The following ZCWPW2 variants were observed in gnomAD, a reference collection of about 807,000 sequenced individuals.
The protein encoded by ZCWPW2 is zinc finger CW-type and PWWP domain containing 2, also known as zinc finger CW-type PWWP domain protein 2.
ZCWPW2 carries 45 observed loss-of-function variants against 46.6 expected under a neutral mutation model. The observed-to-expected ratio is 0.96, with a 90% CI of 0.76 to 1.24. The LOEUF (loss-of-function observed/expected upper bound fraction) is 1.24. ZCWPW2 is among the 50% of genes most tolerant of loss of function. The pLI, the probability that ZCWPW2 is intolerant of heterozygous loss-of-function variation, is 0.00. For synonymous variants in ZCWPW2, 152 were observed against 137.1 expected (o/e 1.11, Z -0.76); for missense variants, 429 against 403.9 (o/e 1.06, Z -0.53).
intron 1 of ZCWPW2, among the ~76,000 whole-genome samples, chr3:28,373,592 C>T (rs866050623): frequency 6.6e-6 from 1 of 152,076 alleles, no homozygotes; most frequent in Admixed American, 6.5e-5. Flanking sequence ...TCTCCTGCCT[C>T]AGCCTCCCAA....
intron 3 of ZCWPW2, among the ~76,000 whole-genome samples, chr3:28,413,912 T>A (rs1696517968): frequency 6.6e-6 from 1 of 152,108 alleles, no homozygotes; most frequent in Non-Finnish European, 1.5e-5. Flanking sequence ...AAAGCATGTA[T>A]TCTATAATTG....
intron 2 of ZCWPW2, among the ~76,000 whole-genome samples, chr3:28,412,018 AT>A (rs1449016787): frequency 6.6e-6 from 1 of 152,042 alleles, no homozygotes; most frequent in African/African-American, 2.4e-5. Flanking sequence ...TTCTAAAGCA[AT>A]TTGCAGTGGC....
intron 9 of ZCWPW2, among the ~76,000 whole-genome samples, chr3:28,524,127 C>T (rs558553686): frequency 1.3e-5 from 2 of 152,024 alleles, no homozygotes; most frequent in Non-Finnish European, 2.9e-5. Flanking sequence ...AGCAAATTAT[C>T]ACTATTTTTA....
At chr3:28,456,968 G>A (rs1698448835) in intron 4 of ZCWPW2, among the ~76,000 whole-genome samples, 1 of 152,106 alleles carries the variant, frequency 6.6e-6, no homozygotes, top group African/African-American at 2.4e-5. Flanking sequence ...TTTGGTATCA[G>A]GATGATACTG....
At chr3:28,521,749 A>G (rs943208519) in intron 9 of ZCWPW2, among the ~76,000 whole-genome samples, 1 of 152,172 alleles carries the variant, frequency 6.6e-6, no homozygotes, top group Non-Finnish European at 1.5e-5. Flanking sequence ...TAGGTATGAG[A>G]AAAAGAAGTC....
At chr3:28,420,095 G>T (rs1696706178) in intron 3 of ZCWPW2, among the ~76,000 whole-genome samples, 1 of 151,492 alleles carries the variant, frequency 6.6e-6, no homozygotes, top group Non-Finnish European at 1.5e-5. Context: ...AACAGCTCCT[G>T]GAATCATTGA....
At chr3:28,364,296 G>A (rs1345241694) in intron 1 of ZCWPW2, among the ~76,000 whole-genome samples, 4 of 151,844 alleles carry the variant, frequency 2.6e-5, no homozygotes, top group Admixed American at 2.6e-4. Flanking sequence ...TGCACCAAAA[G>A]ACATAGACAT....
Position 28,365,876 on chromosome 3 carries a change from T to A in ZCWPW2, c.-134+16673T>A, listed in dbSNP as rs1218485392. On this transcript the variant is annotated intron_variant, in intron 1 of 9. Coordinates refer to ENST00000383768, the MANE Select transcript of ZCWPW2 (RefSeq NM_001040432.4). Reference sequence around the variant, plus strand: ...GAGGTCCTTCATCTCCCGTGTAAGTTGGATTCCTAGGTATTTTATTCTCTT... The same window carrying A: ...GAGGTCCTTCATCTCCCGTGTAAGTAGGATTCCTAGGTATTTTATTCTCTT... 1.4e-5 allele frequency among the ~76,000 whole-genome samples: 2 copies of A among 141,296 alleles called. 1 individual carries two copies. Among genetic ancestry groups the A allele is most frequent in the Non-Finnish European group, 3.2e-5 (2 of 63,086 alleles). 92.7% of individuals were successfully genotyped at this position (141,296 alleles called of 152,430 possible).
chr3:28,362,306 A>G (rs1179537838), intron 1 of ZCWPW2, among the ~76,000 whole-genome samples: 1 of 142,518 alleles, frequency 7.0e-6, no homozygotes, highest in East Asian at 2.0e-4. Flanking sequence ...TTCATATTAT[A>G]TTATTAAAAA....
chr3:28,405,902 A>G (rs896184410), intron 2 of ZCWPW2, among the ~76,000 whole-genome samples: 2 of 152,194 alleles, frequency 1.3e-5, no homozygotes, highest in African/African-American at 2.4e-5. Flanking sequence ...TATAGACAGT[A>G]AAGACCATTT....
Position 28,506,132 on chromosome 3 carries a change from A to AAT in ZCWPW2, c.658-7920_658-7919dup, listed in dbSNP as rs1237941279. On this transcript the variant is annotated intron_variant, in intron 6 of 9. Coordinates refer to ENST00000383768, the MANE Select transcript of ZCWPW2 (RefSeq NM_001040432.4). ...ATATATTTAACAAATATATATTTTT[A>AAT]ATATATATATATAGTCTTTCCATGT... 2.7e-3 allele frequency among the ~76,000 whole-genome samples: 397 copies of AAT among 147,250 alleles called. 1 individual carries two copies. Among genetic ancestry groups the AAT allele is most frequent in the African/African-American group, 8.3e-3 (338 of 40,586 alleles).
At chr3:28,514,147 A>G (rs755401150) in intron 7 of ZCWPW2, 25 bp downstream of exon 7, 10 of 1,392,992 alleles carry the variant, frequency 7.2e-6, no homozygotes, top group South Asian at 2.6e-5. Flanking sequence ...ATTAAATAGT[A>G]TTATGATAAA....
intron 1 of ZCWPW2, among the ~76,000 whole-genome samples, chr3:28,352,713 C>T (rs954827373): frequency 5.3e-5 from 8 of 151,960 alleles, no homozygotes; most frequent in Admixed American, 2.0e-4. Flanking sequence ...AACCAGAAAT[C>T]GTTACACTTG....
chr3:28,509,433 A>T (rs1700366811), intron 6 of ZCWPW2, among the ~76,000 whole-genome samples: 1 of 152,166 alleles, frequency 6.6e-6, no homozygotes, highest in South Asian at 2.1e-4. Flanking sequence ...GTACCATTTT[A>T]TATTCCCACC....
chr3:28,447,702 A>G, intron 4 of ZCWPW2: 1 of 494,392 alleles, frequency 2.0e-6, no homozygotes, highest in South Asian at 2.1e-5. Flanking sequence ...AGCTTCCACG[A>G]ACGTTGTCTA....
chr3:28,468,542 A>T lies in ZCWPW2; in HGVS notation c.493-10272A>T, dbSNP rs906285111. Among the ~76,000 whole-genome samples, 3 of 152,306 alleles carry T rather than the reference A, an allele frequency of 2.0e-5. No homozygotes were observed. In the East Asian group the frequency reaches 5.8e-4, roughly 29 times the overall value. On this transcript the variant is annotated intron_variant, in intron 4 of 9. Coordinates refer to ENST00000383768, the MANE Select transcript of ZCWPW2 (RefSeq NM_001040432.4). Reference sequence around the variant, plus strand: ...ATAATCAAACTTCCAAAGGTCAAGGATAAAGAAAGGATCCTAAAAGCAGCA... The same window carrying T: ...ATAATCAAACTTCCAAAGGTCAAGGTTAAAGAAAGGATCCTAAAAGCAGCA...
At chr3:28,442,067 A>G (rs558269558) in intron 4 of ZCWPW2, among the ~76,000 whole-genome samples, 38 of 152,334 alleles carry the variant, frequency 2.5e-4, no homozygotes, top group Non-Finnish European at 3.7e-4. Context: ...CTGTTTGCAC[A>G]GCAGCCTGGA....
intron 5 of ZCWPW2, among the ~76,000 whole-genome samples, chr3:28,483,996 T>C (rs2125809366): frequency 6.6e-6 from 1 of 152,286 alleles, no homozygotes; most frequent in East Asian, 1.9e-4. Context: ...CTGCGTTATC[T>C]AGGCATTCCA....
intron 2 of ZCWPW2, among the ~76,000 whole-genome samples, chr3:28,400,421 A>C (rs1261866953): frequency 2.6e-5 from 4 of 152,214 alleles, no homozygotes; most frequent in African/African-American, 9.6e-5. Context: ...AGACATTCAA[A>C]TACAAGAAGC....
Sources: gnomAD v4.1 joint callset for allele counts (sites outside exome capture counted in the v4.1 genomes callset) on GRCh38, gnomAD v4.1.1 for gene constraint, MANE v1.5 for transcripts, NCBI Gene and HGNC (gene_info 2026-07-23, HGNC 2026-07-21) for gene names.